ATF7IP2: variants seen among roughly 807,000 people sequenced by gnomAD.
ATF7IP2 encodes the protein activating transcription factor 7-interacting protein 2.
A neutral mutation model predicts 64.2 loss-of-function variants in ATF7IP2; 42 were observed. The ratio of observed to expected loss-of-function variants is 0.65; its 90% CI spans 0.51 to 0.85. The LOEUF (loss-of-function observed/expected upper bound fraction) is 0.85. Among genes scored for constraint, ATF7IP2 ranks in the 40% least tolerant of loss-of-function variants. ATF7IP2 has a pLI of 0.00. For missense variants in ATF7IP2, 933 were observed against 784.2 expected (o/e 1.19, Z -2.27); for synonymous variants, 308 against 272.8 (o/e 1.13, Z -1.27).
In ATF7IP2 at chr16:10,389,673, GTTAAAA is replaced by G. The variant is rs554151709; in HGVS notation, c.-242+3557_-242+3562del. 1.1e-4 allele frequency among the ~76,000 whole-genome samples: 16 copies of G among 152,306 alleles called. No homozygotes were observed. The East Asian group carries it at 2.7e-3, about 26-fold the overall frequency. ...AATACTGAGATTTTAAAAACAAGTTGTTAAAATTAAAGTGATTGCCATTAGATATTC... is the reference window on the plus strand; with the variant it reads ...AATACTGAGATTTTAAAAACAAGTTGTTAAAGTGATTGCCATTAGATATTC... On this transcript the variant is annotated intron_variant, in intron 1 of 13. Coordinates refer to ENST00000562102, the MANE Select transcript of ATF7IP2 (RefSeq NM_001393719.1).
intron 8 of ATF7IP2, chr16:10,447,641 G>A (rs1174866700): frequency 2.6e-5 from 4 of 152,094 alleles, no homozygotes; most frequent in Admixed American, 2.0e-4. Flanking sequence ...CCCGTTAATT[G>A]GGGTCAGACT....
chr16:10,474,557 G>A (rs139109742), intron 12 of ATF7IP2, among the ~76,000 whole-genome samples: 1 of 152,246 alleles, frequency 6.6e-6, no homozygotes, highest in Admixed American at 6.5e-5. Flanking sequence ...TAGACAGAGA[G>A]TGACAACAGT....
At chr16:10,469,002 C>G (rs1290604982) in intron 9 of ATF7IP2, among the ~76,000 whole-genome samples, 1 of 152,128 alleles carries the variant, frequency 6.6e-6, no homozygotes, top group Non-Finnish European at 1.5e-5. Flanking sequence ...CAGGCTAATC[C>G]TAAGTAATTT....
rs780663993 is a variant in ATF7IP2 at position 10,430,973 on chromosome 16, A to G, written c.353A>G (p.Lys118Arg). 1 of 1,614,186 alleles carries G rather than the reference A, an allele frequency of 6.2e-7. No homozygotes were observed. Among genetic ancestry groups the G allele is most frequent in the Non-Finnish European group, 8.5e-7 (1 of 1,180,042 alleles). The change falls in exon 5 of 14, where the codon AAG (lysine) becomes AGG (arginine). Residue 118 changes from lysine (K) to arginine (R), a missense_variant. By Grantham distance (26) the Lys-to-Arg change is conservative. Coordinates refer to ENST00000562102, the MANE Select transcript of ATF7IP2 (RefSeq NM_001393719.1). The stretch of plus-strand genomic sequence containing the variant: ...GAACAAGTTGTTTGTTCGTACCAAA[A>G]GCCAAGTAGAACAACAGAATCCCCC... Reference protein sequence around the residue: ...KLEQVVCSYQKPSRTTESPSR... With the variant: ...KLEQVVCSYQRPSRTTESPSR...
At position 10,431,171 on chromosome 16, in the gene ATF7IP2, C is replaced by T. The variant is rs751515922; in HGVS notation, c.551C>T (p.Thr184Ile). 4.3e-6 allele frequency: 7 copies of T among 1,614,062 alleles called. No individual in the cohort carries two copies. The highest frequency in any genetic ancestry group is 5.9e-6 in the Non-Finnish European group (7 of 1,180,040). ...LSGVVQMPES[T>I]VTSTVGDKKT... is the part of the protein sequence containing the mutation. ...GGTGTTGTTCAGATGCCAGAGTCTA[C>T]AGTAACCAGTACCGTGGGTGACAAG... Residue 184 changes from threonine (T) to isoleucine (I), a missense_variant, in exon 5 of 14, where the codon ACA becomes ATA. Coordinates refer to ENST00000562102, the MANE Select transcript of ATF7IP2 (RefSeq NM_001393719.1).
intron 1 of ATF7IP2, among the ~76,000 whole-genome samples, chr16:10,408,138 C>G (rs1490457971): frequency 4.6e-5 from 7 of 152,076 alleles, no homozygotes; most frequent in Admixed American, 2.6e-4. Context: ...TCTTGATTTC[C>G]TGACCTCGCG....
At chr16:10,436,964 G>A (rs2048440053) in intron 6 of ATF7IP2, among the ~76,000 whole-genome samples, 2 of 151,250 alleles carry the variant, frequency 1.3e-5, no homozygotes, top group South Asian at 4.2e-4. Flanking sequence ...TGTTAGAATG[G>A]CATGCATTAT....
chr16:10,449,753 C>G (rs1351754958), intron 8 of ATF7IP2: 3 of 151,998 alleles, frequency 2.0e-5, no homozygotes, highest in African/African-American at 7.2e-5. Flanking sequence ...TTAAGAAAAC[C>G]AGCTCCTGGA....
At position 10,392,338 on chromosome 16, in the gene ATF7IP2, CT is replaced by C. The variant is rs78965141; in HGVS notation, c.-242+6232del. Among the ~76,000 whole-genome samples the C allele has an allele frequency of 9.4e-3, 1,297 of 137,860 alleles. 1 individual carries two copies. The highest frequency in any genetic ancestry group is 0.017 in the African/African-American group (648 of 37,702). 90.4% of individuals were successfully genotyped at this position (137,860 alleles called of 152,430 possible). On this transcript the variant is annotated intron_variant, in intron 1 of 13. Transcript: ENST00000562102. Reference sequence around the variant, plus strand: ...ATAGTCATGAGCCACTGCGCCTGGCCTTTTTTTTTTTTTTTTAAACTGGAGA... The same window carrying C: ...ATAGTCATGAGCCACTGCGCCTGGCCTTTTTTTTTTTTTTTAAACTGGAGA...
At chr16:10,471,037 A>G (rs1334941699) in intron 9 of ATF7IP2, among the ~76,000 whole-genome samples, 2 of 152,020 alleles carry the variant, frequency 1.3e-5, no homozygotes, top group Non-Finnish European at 2.9e-5. Flanking sequence ...CACACTAGAG[A>G]CTGCACATGT....
chr16:10,413,201 T>C (rs2047805755), intron 1 of ATF7IP2, among the ~76,000 whole-genome samples: 1 of 152,176 alleles, frequency 6.6e-6, no homozygotes, highest in African/African-American at 2.4e-5. Flanking sequence ...TACTCAAATC[T>C]CAACTTGCAT....
rs550635732 is a variant in ATF7IP2 at position 10,472,547 on chromosome 16, A to G, written c.1426+364A>G. On this transcript the variant is annotated intron_variant, in intron 10 of 13. Coordinates refer to ENST00000562102, the MANE Select transcript of ATF7IP2 (RefSeq NM_001393719.1). ...TATCTATTAAGTTATCTTATAGTCT[A>G]CTTAAGATTTAAAATTTGTCTAGTC... Among the ~76,000 whole-genome samples, 15 of 151,976 alleles carry G rather than the reference A, an allele frequency of 9.9e-5. No homozygotes were observed. In the South Asian group the frequency reaches 3.1e-3, roughly 32 times the overall value.
rs1476575065 is a variant in ATF7IP2, at chr16:10,412,010, G to GGTTTTTTTTTTTTTTTTTTTTTTTTTTT, written c.-241-2564_-241-2563insGTTTTTTTTTTTTTTTTTTTTTTTTTTT. On this transcript the variant is annotated intron_variant, in intron 1 of 13. Transcript: ENST00000562102. ...CTTTTTGTTTCATTTATCTTTTTTT[G>GGTTTTTTTTTTTTTTTTTTTTTTTTTTT]TTTTTTTTTTTTTTTTTTTTTTTTT... 3.4e-4 allele frequency among the ~76,000 whole-genome samples: 20 copies of GGTTTTTTTTTTTTTTTTTTTTTTTTTTT among 58,392 alleles called. 5 individuals are homozygous for GGTTTTTTTTTTTTTTTTTTTTTTTTTTT. Among genetic ancestry groups the GGTTTTTTTTTTTTTTTTTTTTTTTTTTT allele is most frequent in the Non-Finnish European group, 4.3e-4 (13 of 30,168 alleles). The allele number at this position is 58,392 out of a possible 152,430, so 38.3% of individuals were successfully genotyped here. A position where few individuals can be genotyped will look rare whatever the true frequency, so the allele number is the denominator to read the frequency against.
intron 8 of ATF7IP2, among the ~76,000 whole-genome samples, chr16:10,452,052 C>CA (rs879825401): frequency 4.1e-4 from 59 of 143,792 alleles, no homozygotes; most frequent in Middle Eastern, 3.5e-3. Context: ...AACTCCGTCC[C>CA]AAAAAAAAAA....
intron 1 of ATF7IP2, among the ~76,000 whole-genome samples, chr16:10,408,701 GC>G (rs1430613416): frequency 1.3e-5 from 2 of 151,886 alleles, no homozygotes; most frequent in Non-Finnish European, 2.9e-5. Context: ...TTTTTTTCTT[GC>G]TAATTTGTTT....
At chr16:10,418,366 T>A (rs2047920356) in intron 2 of ATF7IP2, among the ~76,000 whole-genome samples, 1 of 152,214 alleles carries the variant, frequency 6.6e-6, no homozygotes. Flanking sequence ...ATTTTGTTTA[T>A]GGCCAGTTTT....
intron 1 of ATF7IP2, among the ~76,000 whole-genome samples, chr16:10,410,102 T>C (rs181133863): frequency 1.4e-4 from 22 of 152,282 alleles, no homozygotes; most frequent in Admixed American, 7.9e-4. Flanking sequence ...TTTTCTAGTT[T>C]TGTGAAGAAG....
chr16:10,441,146 A>G (rs1412515974), intron 8 of ATF7IP2, among the ~76,000 whole-genome samples: 7 of 152,196 alleles, frequency 4.6e-5, no homozygotes, highest in African/African-American at 1.2e-4. Context: ...TATCCAGTCT[A>G]TCATTGACGG....
At chr16:10,454,623 A>G (rs1430413575) in intron 8 of ATF7IP2, among the ~76,000 whole-genome samples, 1 of 151,578 alleles carries the variant, frequency 6.6e-6, no homozygotes, top group African/African-American at 2.4e-5. Context: ...GACTTTAGTT[A>G]TAATTTGTTC....
Sources: allele counts gnomAD v4.1 joint callset (sites outside exome capture counted in the v4.1 genomes callset), GRCh38; gene constraint gnomAD v4.1.1; transcripts MANE v1.5; gene names NCBI Gene and HGNC (gene_info 2026-07-23, HGNC 2026-07-21).